The following LARGE1 variants were observed in gnomAD, a reference collection of about 807,000 sequenced individuals.
LARGE1 encodes the protein LARGE xylosyl- and glucuronyltransferase 1.
LARGE1 carries 43 observed loss-of-function variants against 87.6 expected under a neutral mutation model. The ratio of observed to expected loss-of-function variants is 0.49; its 90% CI spans 0.38 to 0.63. The LOEUF (loss-of-function observed/expected upper bound fraction) is 0.63, where lower values mean the gene tolerates loss of function less well. Among genes scored for constraint, LARGE1 ranks in the 30% least tolerant of loss-of-function variants. The pLI is 0.00. For synonymous variants in LARGE1, 434 were observed against 394.6 expected (o/e 1.10, Z -1.18); for missense variants, 802 against 1,000.2 (o/e 0.80, Z 2.67).
At chr22:33,741,381 A>G (rs2083875218) in intron 2 of LARGE1, among the ~76,000 whole-genome samples, 1 of 152,246 alleles carries the variant, frequency 6.6e-6, no homozygotes, top group Non-Finnish European at 1.5e-5. Flanking sequence ...TGGTTTAAAG[A>G]GGCCCAAAAG....
At chr22:33,383,412 T>C (rs1220696867) in intron 8 of LARGE1, among the ~76,000 whole-genome samples, 2 of 151,788 alleles carry the variant, frequency 1.3e-5, no homozygotes, top group Non-Finnish European at 2.9e-5. Flanking sequence ...ATACAAAAAT[T>C]AGCCTGGTGT....
At chr22:33,334,409 CAA>C (rs529074589) in intron 10 of LARGE1, among the ~76,000 whole-genome samples, 4 of 39,046 alleles carry the variant, frequency 1.0e-4, no homozygotes, top group Admixed American at 4.9e-4. Flanking sequence ...GACTCTGTCT[CAA>C]AAAAAAAAAA....
chr22:33,431,858 T>C (rs1442202545), intron 7 of LARGE1, among the ~76,000 whole-genome samples: 1 of 152,186 alleles, frequency 6.6e-6, no homozygotes, highest in African/African-American at 2.4e-5. Context: ...CTGGTCTGTA[T>C]TAACAGAGCC....
intron 11 of LARGE1, among the ~76,000 whole-genome samples, chr22:33,223,333 C>T (rs986455488): frequency 3.9e-5 from 6 of 152,226 alleles, no homozygotes; most frequent in Non-Finnish European, 5.9e-5. Flanking sequence ...TGATACCTCA[C>T]GTGGTGCCTG....
intron 11 of LARGE1, among the ~76,000 whole-genome samples, chr22:33,254,299 G>T (rs1246550332): frequency 6.6e-6 from 1 of 152,162 alleles, no homozygotes; most frequent in Non-Finnish European, 1.5e-5. Context: ...GATTTCCCTC[G>T]TTGGGCCTGT....
Position 33,849,838 on chromosome 22 carries a change from C to G in LARGE1, c.-83+70157G>C, listed in dbSNP as rs5994804. 3.9e-5 allele frequency among the ~76,000 whole-genome samples: 6 copies of G among 152,152 alleles called. No homozygotes were observed. In the South Asian group the frequency reaches 1.0e-3, roughly 26 times the overall value. ...CTGGTCTCAAACTCCTGACCTCAGG[C>G]GATCCTCCCGCCTCTGCCTCCCAAA... On this transcript the variant is annotated intron_variant, in intron 1 of 14. Transcript: ENST00000397394.
chr22:33,167,416 T>A (rs1196716925), intron 11 of LARGE1, among the ~76,000 whole-genome samples: 1 of 152,204 alleles, frequency 6.6e-6, no homozygotes, highest in Non-Finnish European at 1.5e-5. Flanking sequence ...TTGCATTCGA[T>A]GAACAGTGCA....
intron 11 of LARGE1, among the ~76,000 whole-genome samples, chr22:33,235,209 C>T (rs1472212903): frequency 6.6e-6 from 1 of 152,114 alleles, no homozygotes; most frequent in Non-Finnish European, 1.5e-5. Context: ...CTCCTGCATG[C>T]AGGTTAAATT....
rs117088728 is a variant in LARGE1 at position 33,525,446 on chromosome 22, C to T, written c.787+39402G>A. On this transcript the variant is annotated intron_variant, in intron 6 of 14. Transcript: ENST00000397394. ...GAAACAAGCTGAAAGCTGCATGAAA[C>T]AGCCTCTCAAATAAAGCCTGTCTTC... Among the ~76,000 whole-genome samples the T allele has an allele frequency of 5.5e-3, 835 of 152,308 alleles. 9 individuals carry two copies. The highest frequency in any genetic ancestry group is 0.021 in the South Asian group (102 of 4,824).
chr22:33,084,813 T>C, the LARGE1 span, among the ~76,000 whole-genome samples: 1 of 152,212 alleles, frequency 6.6e-6, no homozygotes, highest in Non-Finnish European at 1.5e-5. Context: ...CATTTCAACA[T>C]CTAATCAACA....
At chr22:33,206,879 T>C (rs1924714544) in intron 11 of LARGE1, among the ~76,000 whole-genome samples, 1 of 152,228 alleles carries the variant, frequency 6.6e-6, no homozygotes, top group South Asian at 2.1e-4. Flanking sequence ...TCATGGCATA[T>C]TGGGCAGATC....
intron 11 of LARGE1, among the ~76,000 whole-genome samples, chr22:33,244,980 AAT>A (rs1387522468): frequency 3.9e-5 from 6 of 152,196 alleles, no homozygotes; most frequent in Non-Finnish European, 8.8e-5. Flanking sequence ...AAAAATAAAA[AAT>A]ATAAATTTTA....
At chr22:33,469,177 T>C (rs1601978732) in intron 6 of LARGE1, among the ~76,000 whole-genome samples, 1 of 152,234 alleles carries the variant, frequency 6.6e-6, no homozygotes, top group East Asian at 1.9e-4. Flanking sequence ...AATCTCATTA[T>C]TGGGTATATA....
chr22:33,551,147 A>T (rs1182651436), intron 6 of LARGE1, among the ~76,000 whole-genome samples: 1 of 151,418 alleles, frequency 6.6e-6, no homozygotes, highest in Non-Finnish European at 1.5e-5. Context: ...TCACCACTAC[A>T]AAATCTACAC....
chr22:33,746,640 T>A (rs1390499654), intron 2 of LARGE1, among the ~76,000 whole-genome samples: 1 of 152,200 alleles, frequency 6.6e-6, no homozygotes, highest in East Asian at 1.9e-4. Context: ...GTATGCTATA[T>A]AAATGAAGTG....
At chr22:33,580,588 A>T (rs1195283059) in intron 5 of LARGE1, among the ~76,000 whole-genome samples, 1 of 152,180 alleles carries the variant, frequency 6.6e-6, no homozygotes, top group South Asian at 2.1e-4. Context: ...ACCACATGGC[A>T]TCAGTTGTGA....
chr22:33,588,534 T>TGTGC (rs1555966736), intron 5 of LARGE1, among the ~76,000 whole-genome samples: 2 of 145,904 alleles, frequency 1.4e-5, no homozygotes, highest in South Asian at 2.2e-4. Context: ...TGTGTGTGTG[T>TGTGC]GCGCACGCAC....
At chr22:33,736,641 C>T (rs2083665665) in intron 2 of LARGE1, among the ~76,000 whole-genome samples, 1 of 152,108 alleles carries the variant, frequency 6.6e-6, no homozygotes, top group Non-Finnish European at 1.5e-5. Flanking sequence ...TTTGATGAAG[C>T]TCAATTTATC....
rs139030197 is a variant in LARGE1 at position 33,695,560 on chromosome 22, A to T, written c.107-44892T>A. Among the ~76,000 whole-genome samples the T allele has an allele frequency of 4.7e-3, 710 of 152,314 alleles. 7 individuals are homozygous for T. Among genetic ancestry groups the T allele is most frequent in the African/African-American group, 0.015 (622 of 41,562 alleles). ...ATATAGCTGCCCCTGTGATGTACCAAGACCCTCTTACCATATTTGCTTCTA... is the reference window on the plus strand; with the variant it reads ...ATATAGCTGCCCCTGTGATGTACCATGACCCTCTTACCATATTTGCTTCTA... On this transcript the variant is annotated intron_variant, in intron 2 of 14. Transcript: ENST00000397394.
Sources: gnomAD v4.1 joint callset for allele counts (sites outside exome capture counted in the v4.1 genomes callset) on GRCh38, gnomAD v4.1.1 for gene constraint, MANE v1.5 for transcripts, NCBI Gene and HGNC (gene_info 2026-07-23, HGNC 2026-07-21) for gene names.